The following MTA1 variants were observed in gnomAD, a reference collection of about 807,000 sequenced individuals.
MTA1 encodes the protein metastasis associated 1.
MTA1 carries 15 observed loss-of-function variants against 97.0 expected under a neutral mutation model. That is an observed-to-expected ratio of 0.15 (90% CI 0.10 to 0.24). MTA1 has a LOEUF of 0.24. Among genes scored for constraint, MTA1 ranks in the 10% least tolerant of loss-of-function variants. The pLI is 1.00. For missense variants in MTA1, 709 were observed against 1,015.1 expected, an observed-to-expected ratio of 0.70 and a Z score of 4.10; for synonymous variants, 435 against 417.5, an observed-to-expected ratio of 1.04 and a Z score of -0.51.
Position 105,463,519 on chromosome 14 carries a change from G to A in MTA1, c.1044G>A (p.Glu348=). 1.2e-6 allele frequency: 2 copies of A among 1,613,112 alleles called. No individual in the cohort carries two copies. Among genetic ancestry groups the A allele is most frequent in the South Asian group, 1.1e-5 (1 of 91,080 alleles). Residue 348 remains glutamate (E), a synonymous_variant, in exon 12 of 21, where the codon GAG becomes GAA. Transcript: ENST00000331320. This position sits in a 1 kb window ranked among gnomAD's most constrained non-coding sequence, Gnocchi z 5.9. Reference sequence around the variant, plus strand: ...AACGCTTGAAAGCAGCTGAAGCTGAGAGCAAGTTAAAGCAAGTTTATATTC... The same window carrying A: ...AACGCTTGAAAGCAGCTGAAGCTGAAAGCAAGTTAAAGCAAGTTTATATTC... ...QQKRLKAAEA[E]SKLKQVYIPN... is the part of the protein sequence containing the mutation.
At chr14:105,434,133 A>G (rs1555423929) in intron 1 of MTA1, among the ~76,000 whole-genome samples, 1 of 152,170 alleles carries the variant, frequency 6.6e-6, no homozygotes, top group Non-Finnish European at 1.5e-5. Flanking sequence ...TTTTGATTTC[A>G]TCAGTATGAA....
At chr14:105,421,724 G>C (rs782433819) in intron 1 of MTA1, among the ~76,000 whole-genome samples, 7 of 152,240 alleles carry the variant, frequency 4.6e-5, no homozygotes, top group Non-Finnish European at 4.4e-5. Flanking sequence ...TTTGTGCCCT[G>C]TGGCAGCTGT....
Position 105,466,438 on chromosome 14 carries a change from G to GCC in MTA1, c.1643_1644dup (p.Lys549ProfsTer6). 2 of 988,110 alleles carry GCC rather than the reference G, an allele frequency of 2.0e-6. No individual in the cohort carries two copies. Among genetic ancestry groups the GCC allele is most frequent in the South Asian group, 2.1e-5 (1 of 47,220 alleles). 61.2% of individuals were successfully genotyped at this position (988,110 alleles called of 1,614,324 possible). Reference sequence around the variant, plus strand: ...TCATTCCCGGCAGAGACCCACCCCCGCCCCCCCAAGCCTGACCCCGTGAAA... The same window carrying GCC: ...TCATTCCCGGCAGAGACCCACCCCCGCCCCCCCCCAAGCCTGACCCCGTGAAA... On this transcript the variant is annotated frameshift_variant, in exon 17 of 21. Coordinates refer to ENST00000331320, the MANE Select transcript of MTA1 (RefSeq NM_004689.4). LOFTEE classifies it high-confidence loss of function.
chr14:105,439,988 G>A (rs189032984), intron 2 of MTA1, among the ~76,000 whole-genome samples: 3 of 152,314 alleles, frequency 2.0e-5, no homozygotes, highest in East Asian at 1.9e-4. Context: ...CCCTGGCTGC[G>A]CTTGTCGAGG....
At chr14:105,469,532 G>A (rs781796832) in intron 19 of MTA1, 34 bp downstream of exon 19, 8 of 1,608,928 alleles carry the variant, frequency 5.0e-6, no homozygotes, top group South Asian at 3.3e-5. Flanking sequence ...GGTACGGTGC[G>A]CTCACCCATG....
Position 105,465,086 on chromosome 14 carries a change from C to A in MTA1, c.1535-8C>A. The A allele has an allele frequency of 6.6e-7, 1 of 1,508,078 alleles. No homozygotes were observed. The allele number at this position is 1,508,078 out of a possible 1,614,324, so 93.4% of individuals were successfully genotyped here. A position where few individuals can be genotyped will look rare whatever the true frequency, so the allele number is the denominator to read the frequency against. ...GCCCCACCCCTCACACCGTGTGGTA[C>A]CCCGCAGGCACGGCGCGGCTGCCCG... On this transcript the variant is annotated splice_region_variant and splice_polypyrimidine_tract_variant and intron_variant, in intron 15 of 20. Transcript: ENST00000331320.
intron 10 of MTA1, among the ~76,000 whole-genome samples, chr14:105,461,803 GGGGCCTCTGGCCAA>G (rs2083357252): frequency 6.6e-6 from 1 of 152,174 alleles, no homozygotes; most frequent in Non-Finnish European, 1.5e-5. Flanking sequence ...GCTTTGTGTG[GGGGCCTCTGGCCAA>G]GGGGAGAGCT....
intron 3 of MTA1, among the ~76,000 whole-genome samples, chr14:105,447,659 A>C (rs912339019): frequency 6.6e-6 from 1 of 152,132 alleles, no homozygotes; most frequent in East Asian, 1.9e-4. Context: ...GCTCCCTGGA[A>C]AGCTGCGTGG....
chr14:105,421,297 C>T (rs2081826973), intron 1 of MTA1, among the ~76,000 whole-genome samples: 1 of 152,198 alleles, frequency 6.6e-6, no homozygotes. Flanking sequence ...CCACCCCACG[C>T]TCAGGGAGCA....
Position 105,463,119 on chromosome 14 carries a change from C to CGG in MTA1, c.943-65_943-64insGG. 1 of 1,513,440 alleles carries CGG rather than the reference C, an allele frequency of 6.6e-7. No individual in the cohort carries two copies. Among genetic ancestry groups the CGG allele is most frequent in the Non-Finnish European group, 9.1e-7 (1 of 1,097,710 alleles). The allele number at this position is 1,513,440 out of a possible 1,614,324, so 93.8% of individuals were successfully genotyped here. ...TGGCCTTCTGGCCGCAGCCCTGCCC[C>CGG]TGCCTGCATGGTGTGCCTGCCTCCT... On this transcript the variant is annotated intron_variant, in intron 10 of 20. Transcript: ENST00000331320. This position sits in a 1 kb window ranked among gnomAD's most constrained non-coding sequence, Gnocchi z 5.9.
chr14:105,445,243 C>T (rs1185069201), intron 2 of MTA1, among the ~76,000 whole-genome samples, 175 bp from the exon 3 acceptor site: 4 of 152,216 alleles, frequency 2.6e-5, no homozygotes, highest in Non-Finnish European at 2.9e-5. Context: ...ACGCCACGGG[C>T]GTCCAGAGCT....
intron 2 of MTA1, 67 bp from the exon 3 acceptor site, chr14:105,445,351 C>A: frequency 6.8e-7 from 1 of 1,468,462 alleles, no homozygotes; most frequent in Non-Finnish European, 9.4e-7. Context: ...GCCTTGGAGC[C>A]CCTCCTGGGA....
intron 10 of MTA1, among the ~76,000 whole-genome samples, chr14:105,462,635 G>A (rs1555431293): frequency 2.0e-5 from 3 of 151,802 alleles, no homozygotes; most frequent in East Asian, 1.9e-4. Context: ...TTGGGAGGCC[G>A]AAGTGGGTGG....
chr14:105,441,557 G>A (rs782806175), intron 2 of MTA1, among the ~76,000 whole-genome samples: 1 of 152,212 alleles, frequency 6.6e-6, no homozygotes, highest in Non-Finnish European at 1.5e-5. Flanking sequence ...CACTTTGAGA[G>A]GCCGAGGCGG....
intron 10 of MTA1, among the ~76,000 whole-genome samples, chr14:105,461,237 ACGGAGGC>A (rs1433697635): frequency 3.9e-5 from 6 of 152,188 alleles, no homozygotes; most frequent in African/African-American, 1.2e-4. Flanking sequence ...GGCCCAGGTG[ACGGAGGC>A]CAGGGTATCC....
chr14:105,466,928 G>A (rs1832650336), intron 18 of MTA1, 186 bp downstream of exon 18: 1 of 643,496 alleles, frequency 1.6e-6, no homozygotes, highest in Non-Finnish European at 2.6e-6. Flanking sequence ...GACCCCCCGA[G>A]CCCAGGCATC....
chr14:105,457,697 G>A (rs892850377), intron 7 of MTA1, among the ~76,000 whole-genome samples: 39 of 152,328 alleles, frequency 2.6e-4, no homozygotes, highest in African/African-American at 7.9e-4. Context: ...AGGCTAAGGC[G>A]GATGGATCAC....
chr14:105,465,572 A>C (rs587645244), intron 16 of MTA1: 6 of 161,150 alleles, frequency 3.7e-5, no homozygotes, highest in African/African-American at 1.4e-4. Context: ...CCATTAAGGC[A>C]GCGTCGTACC....
intron 2 of MTA1, among the ~76,000 whole-genome samples, chr14:105,441,521 G>A (rs184027809): frequency 4.6e-5 from 7 of 152,346 alleles, no homozygotes; most frequent in African/African-American, 7.2e-5. Flanking sequence ...GAGGCTGGAC[G>A]CAGGGGCTCA....
Sources: allele counts gnomAD v4.1 joint callset (sites outside exome capture counted in the v4.1 genomes callset), GRCh38; gene constraint gnomAD v4.1.1; non-coding constraint Gnocchi (gnomAD v3.1); transcripts MANE v1.5; gene names NCBI Gene and HGNC (gene_info 2026-07-23, HGNC 2026-07-21).